Variants in CCDC40 observed in about 807,000 individuals in gnomAD.
CCDC40 encodes coiled-coil domain-containing protein 40.
Under a neutral mutation model 124.5 loss-of-function variants are expected in CCDC40, and 104 were observed. That is an observed-to-expected ratio of 0.84 (90% confidence interval 0.71 to 0.98). CCDC40 has a LOEUF of 0.98. CCDC40 is among the 50% of genes least tolerant of loss of function. CCDC40 has a pLI of 0.00. For missense variants in CCDC40, 1,463 were observed against 1,503.9 expected (o/e 0.97, Z 0.45); for synonymous variants, 580 against 602.9 (o/e 0.96, Z 0.56).
rs1266300188 is a variant in CCDC40 at position 80,066,271 on chromosome 17, C to G, written c.1562+665C>G. 2.9e-6 allele frequency: 2 copies of G among 678,338 alleles called. No individual in the cohort carries two copies. The highest frequency in any genetic ancestry group is 4.2e-5 in the Admixed American group (2 of 47,672). The allele number at this position is 678,338 out of a possible 1,614,324, so 42.0% of individuals were successfully genotyped here. On this transcript the variant is annotated intron_variant, in intron 10 of 19. Transcript: ENST00000397545. This position sits in a 1 kb window ranked among gnomAD's most constrained non-coding sequence, Gnocchi z 4.4. Reference sequence around the variant, plus strand: ...CAGAGCCTGGCATACAGCAAGCGCTCAAGAAAGGCTGGACCAAGGAATGAG... The same window carrying G: ...CAGAGCCTGGCATACAGCAAGCGCTGAAGAAAGGCTGGACCAAGGAATGAG...
In CCDC40 at chr17:80,047,413, C is replaced by G. The variant is rs761925173; in HGVS notation, c.676+11C>G. The G allele has an allele frequency of 3.5e-5, 56 of 1,610,372 alleles. No homozygotes were observed. Among genetic ancestry groups the G allele is most frequent in the Non-Finnish European group, 4.7e-5 (55 of 1,178,724 alleles). ...TCTCGCAGGAGCCAGGTGCCACCCACCTGCTGAGGTCACCCTGCCCTGGCG... is the reference window on the plus strand; with the variant it reads ...TCTCGCAGGAGCCAGGTGCCACCCAGCTGCTGAGGTCACCCTGCCCTGGCG... On this transcript the variant is annotated intron_variant, in intron 4 of 19. Transcript: ENST00000397545.
intron 3 of CCDC40, 36 bp downstream of exon 3, chr17:80,040,306 G>A (rs371131871): frequency 7.2e-5 from 115 of 1,589,212 alleles, no homozygotes; most frequent in Non-Finnish European, 9.2e-5. Flanking sequence ...TGCCAGTGTC[G>A]CACGGCCCAC....
At chr17:80,055,551 C>T (rs1211854440) in intron 7 of CCDC40, among the ~76,000 whole-genome samples, 2 of 152,246 alleles carry the variant, frequency 1.3e-5, no homozygotes, top group East Asian at 1.9e-4. Context: ...GGAGTGCCCA[C>T]GTTACCAGCT....
At chr17:80,094,989 C>T (rs1226215758) in intron 17 of CCDC40, among the ~76,000 whole-genome samples, 2 of 152,184 alleles carry the variant, frequency 1.3e-5, no homozygotes, top group Non-Finnish European at 2.9e-5. Context: ...AGGATCTGAC[C>T]CTGGCTTAGT....
intron 10 of CCDC40, chr17:80,067,594 G>C (rs755987250): frequency 1.3e-6 from 2 of 1,536,026 alleles, no homozygotes; most frequent in African/African-American, 1.4e-5. Flanking sequence ...ATACTTCTAC[G>C]GGGAAGCTTC....
chr17:80,097,683 T>C, intron 19 of CCDC40: 1 of 465,464 alleles, frequency 2.1e-6, no homozygotes, highest in Admixed American at 3.5e-5. Flanking sequence ...TCCTGTGCTC[T>C]TAGAGGTTAC....
At position 80,087,397 on chromosome 17, in the gene CCDC40, A is replaced by C; in HGVS notation, c.2450-210A>C. Reference sequence around the variant, plus strand: ...TTGGAGGACCAGGCTTTGGGAGCTTAGCAGCCAAAAAGAGACCCCCTGTCC... The same window carrying C: ...TTGGAGGACCAGGCTTTGGGAGCTTCGCAGCCAAAAAGAGACCCCCTGTCC... On this transcript the variant is annotated intron_variant, in intron 14 of 19. Coordinates refer to ENST00000397545, the MANE Select transcript of CCDC40 (RefSeq NM_017950.4). This position sits in a 1 kb window ranked among gnomAD's most constrained non-coding sequence, Gnocchi z 4.5. The C allele has an allele frequency of 5.0e-6, 3 of 595,490 alleles. No individual in the cohort carries two copies. Among genetic ancestry groups the C allele is most frequent in the Non-Finnish European group, 9.0e-6 (3 of 333,514 alleles). The allele number at this position is 595,490 out of a possible 1,614,324, so 36.9% of individuals were successfully genotyped here. A position where few individuals can be genotyped will look rare whatever the true frequency, so the allele number is the denominator to read the frequency against.
intron 2 of CCDC40, 108 bp from the exon 3 acceptor site, chr17:80,039,703 AG>A: frequency 7.3e-7 from 1 of 1,378,416 alleles, no homozygotes; most frequent in South Asian, 1.3e-5. Context: ...GATGCTGAGA[AG>A]GGTATAAATG....
chr17:80,041,237 G>T (rs1377761273), intron 3 of CCDC40, among the ~76,000 whole-genome samples: 1 of 152,162 alleles, frequency 6.6e-6, no homozygotes, highest in Non-Finnish European at 1.5e-5. Context: ...GTCGGGCATG[G>T]TGGTGCACGC....
Position 80,040,098 on chromosome 17 carries a change from A to C in CCDC40, c.380A>C (p.Glu127Ala), listed in dbSNP as rs1463849769. ...FSPPQELPGE[E>A]AYDSVSGEAG... ...CCTCCTCAGGAACTGCCTGGAGAGG[A>C]GGCATACGATAGTGTTAGCGGGGAG... Residue 127 changes from glutamate (E) to alanine (A), a missense_variant, in exon 3 of 20, where the codon GAG becomes GCG. Transcript: ENST00000397545. 1.9e-6 allele frequency: 3 copies of C among 1,613,968 alleles called. No individual in the cohort carries two copies. In the East Asian group the frequency reaches 6.7e-5, roughly 36 times the overall value.
chr17:80,072,499 A>C (rs1269553888), intron 10 of CCDC40, among the ~76,000 whole-genome samples: 1 of 152,150 alleles, frequency 6.6e-6, no homozygotes, highest in Non-Finnish European at 1.5e-5. Context: ...AAATTTAGAC[A>C]TTTATAAGGC....
At chr17:80,069,734 G>A (rs1164110740) in intron 10 of CCDC40, among the ~76,000 whole-genome samples, 6 of 152,064 alleles carry the variant, frequency 3.9e-5, no homozygotes, top group African/African-American at 1.5e-4. Flanking sequence ...CTGGGTGACA[G>A]AGCGAGACTT....
At chr17:80,051,334 C>T (rs2037582253) in intron 7 of CCDC40, 1 of 976,854 alleles carries the variant, frequency 1.0e-6, no homozygotes, top group Non-Finnish European at 1.2e-6. Context: ...GGGCACTTAT[C>T]AAGCACCTCT....
intron 16 of CCDC40, 46 bp downstream of exon 16, chr17:80,088,148 A>AC: frequency 7.6e-7 from 1 of 1,317,150 alleles, no homozygotes; most frequent in Non-Finnish European, 1.1e-6. Flanking sequence ...AGGTCACTGC[A>AC]CCTACAGGCC....
intron 19 of CCDC40, 47 bp from the exon 20 acceptor site, chr17:80,099,476 GTCTT>G: frequency 6.3e-7 from 1 of 1,594,432 alleles, no homozygotes; most frequent in Non-Finnish European, 8.5e-7. Flanking sequence ...GCCAGCAGGT[GTCTT>G]TCTTCTGGTT....
Position 80,082,042 on chromosome 17 carries a change from A to T in CCDC40, c.1973A>T (p.Lys658Met). The change falls in exon 12 of 20, where the codon AAG becomes ATG. Residue 658 changes from lysine to methionine, a missense_variant. Coordinates refer to ENST00000397545, the MANE Select transcript of CCDC40 (RefSeq NM_017950.4). Reference sequence around the variant, plus strand: ...AACCAGCTCATCCTGAGGCTGCAGAAGGAGAAGACCAACATGGTAGGCCCC... The same window carrying T: ...AACCAGCTCATCCTGAGGCTGCAGATGGAGAAGACCAACATGGTAGGCCCC... ...YFNQLILRLQ[K>M]EKTNMMTHLS... 1 of 1,613,234 alleles carries T rather than the reference A, an allele frequency of 6.2e-7. No individual in the cohort carries two copies. The highest frequency in any genetic ancestry group is 8.5e-7 in the Non-Finnish European group (1 of 1,179,878).
chr17:80,087,080 C>G lies in CCDC40; in HGVS notation c.2450-527C>G. The G allele has an allele frequency of 4.8e-6, 1 of 209,028 alleles. No homozygotes were observed. The highest frequency in any genetic ancestry group is 1.1e-4 in the East Asian group (1 of 9,318). The allele number at this position is 209,028 out of a possible 1,614,324, so 12.9% of individuals were successfully genotyped here. ...CACACCATGGGGACAGCAGGAGGAG[C>G]TGGAGAAGCCCTGTGAGGAGTGGCC... On this transcript the variant is annotated intron_variant, in intron 14 of 19. Transcript: ENST00000397545. This position sits in a 1 kb window ranked among gnomAD's most constrained non-coding sequence, Gnocchi z 4.5.
chr17:80,075,300 G>A (rs936824330), intron 10 of CCDC40, among the ~76,000 whole-genome samples: 1 of 143,068 alleles, frequency 7.0e-6, no homozygotes, highest in African/African-American at 2.6e-5. Context: ...TTTTTGAGGT[G>A]GAGCTTCTCT....
intron 7 of CCDC40, among the ~76,000 whole-genome samples, chr17:80,057,505 G>A (rs9909904): frequency 0.99 from 150,170 of 152,310 alleles, 74,068 homozygotes; most frequent in Middle Eastern, 1. Flanking sequence ...GCCACTGAAA[G>A]GGAGTGCTCT....
Sources: gnomAD v4.1 joint callset for allele counts (sites outside exome capture counted in the v4.1 genomes callset) on GRCh38, gnomAD v4.1.1 for gene constraint, Gnocchi (gnomAD v3.1) non-coding constraint, MANE v1.5 for transcripts, NCBI Gene and HGNC (gene_info 2026-07-23, HGNC 2026-07-21) for gene names.